TGFBR3: variants seen among roughly 807,000 people sequenced by gnomAD.
TGFBR3 encodes the protein transforming growth factor beta receptor type 3.
In TGFBR3, 46 loss-of-function variants were observed where a neutral mutation model predicts 87.9. That is an observed-to-expected ratio of 0.52 (90% CI 0.41 to 0.67). The LOEUF (loss-of-function observed/expected upper bound fraction) is 0.67. Ranked by LOEUF, TGFBR3 falls within the 30% of genes least tolerant of loss-of-function variation. The pLI is 0.00. For missense variants in TGFBR3, 866 were observed against 1,041.9 expected (o/e 0.83, Z 2.32); for synonymous variants, 381 against 391.6 (o/e 0.97, Z 0.32).
chr1:91,776,417 T>C (rs1674568145), intron 3 of TGFBR3, among the ~76,000 whole-genome samples: 1 of 152,230 alleles, frequency 6.6e-6, no homozygotes, highest in Non-Finnish European at 1.5e-5. Context: ...TCAGAGTGCA[T>C]GTCAACTCCA....
At chr1:91,802,060 G>C (rs763409381) in intron 2 of TGFBR3, among the ~76,000 whole-genome samples, 6 of 152,226 alleles carry the variant, frequency 3.9e-5, no homozygotes, top group Admixed American at 6.5e-5. Flanking sequence ...TCTCCTAAGA[G>C]AACAGACACA....
At chr1:91,839,280 A>T (rs145104051) in intron 2 of TGFBR3, among the ~76,000 whole-genome samples, 1 of 152,172 alleles carries the variant, frequency 6.6e-6, no homozygotes, top group Non-Finnish European at 1.5e-5. Flanking sequence ...CACCCAGCCA[A>T]ATCTTAAGTC....
intron 3 of TGFBR3, among the ~76,000 whole-genome samples, chr1:91,786,887 TG>T (rs1459539385): frequency 6.6e-6 from 1 of 152,202 alleles, no homozygotes; most frequent in Non-Finnish European, 1.5e-5. Context: ...AGAACTGGCC[TG>T]GGAGGGTTCT....
chr1:91,883,326 A>C (rs1406550716), intron 1 of TGFBR3, among the ~76,000 whole-genome samples: 1 of 152,150 alleles, frequency 6.6e-6, no homozygotes, highest in East Asian at 1.9e-4. Flanking sequence ...TAAGGAAACA[A>C]ATTGAAAAAA....
At chr1:91,787,435 T>C (rs888958147) in intron 3 of TGFBR3, among the ~76,000 whole-genome samples, 2 of 151,998 alleles carry the variant, frequency 1.3e-5, no homozygotes, top group Admixed American at 1.3e-4. Context: ...TAGCCCTGTA[T>C]CTAACATGGG....
chr1:91,811,007 T>C (rs1676012764), intron 2 of TGFBR3, among the ~76,000 whole-genome samples: 1 of 152,100 alleles, frequency 6.6e-6, no homozygotes, highest in African/African-American at 2.4e-5. Flanking sequence ...CACATAGATA[T>C]CATAAAAAGG....
intron 3 of TGFBR3, among the ~76,000 whole-genome samples, chr1:91,792,430 A>G (rs940246922): frequency 2.0e-5 from 3 of 152,172 alleles, no homozygotes; most frequent in Non-Finnish European, 4.4e-5. Flanking sequence ...TGCTCCTTTA[A>G]TGTCAAAACA....
At chr1:91,831,859 A>G (rs1676866169) in intron 2 of TGFBR3, among the ~76,000 whole-genome samples, 2 of 152,276 alleles carry the variant, frequency 1.3e-5, no homozygotes, top group East Asian at 3.8e-4. Context: ...CATTTTAAGC[A>G]GAGGGAAAAA....
chr1:91,800,955 G>C, intron 2 of TGFBR3: 1 of 201,396 alleles, frequency 5.0e-6, no homozygotes, highest in South Asian at 7.0e-5. Context: ...TTGGTGGCGT[G>C]TACCTGTAAT....
chr1:91,694,240 G>GC, intron 16 of TGFBR3, among the ~76,000 whole-genome samples: 1 of 152,186 alleles, frequency 6.6e-6, no homozygotes, highest in South Asian at 2.1e-4. Flanking sequence ...TGATCCTCCC[G>GC]CCCCTGCCTC....
chr1:91,823,601 G>C (rs982419290), intron 2 of TGFBR3, among the ~76,000 whole-genome samples: 1 of 152,184 alleles, frequency 6.6e-6, no homozygotes, highest in Non-Finnish European at 1.5e-5. Context: ...ACATTTTGCT[G>C]AGCAAATAGA....
intron 3 of TGFBR3, among the ~76,000 whole-genome samples, chr1:91,783,822 A>G (rs1674861604): frequency 6.6e-6 from 1 of 152,226 alleles, no homozygotes; most frequent in African/African-American, 2.4e-5. Flanking sequence ...TCAAGTTATA[A>G]GGTATTTAAT....
At chr1:91,701,193 C>A (rs1671607410) in intron 14 of TGFBR3, among the ~76,000 whole-genome samples, 1 of 152,046 alleles carries the variant, frequency 6.6e-6, no homozygotes, top group Non-Finnish European at 1.5e-5. Flanking sequence ...AGCCTTCTCA[C>A]AGAGCTAAAC....
chr1:91,865,809 G>A (rs1403607689), intron 1 of TGFBR3, among the ~76,000 whole-genome samples: 1 of 151,896 alleles, frequency 6.6e-6, no homozygotes, highest in East Asian at 1.9e-4. Flanking sequence ...CTACTCGGGA[G>A]GCTGAGACAG....
In TGFBR3 at chr1:91,764,603, G is replaced by A. The variant is rs193206625; in HGVS notation, c.247-5853C>T. Among the ~76,000 whole-genome samples, 68 of 152,204 alleles carry A rather than the reference G, an allele frequency of 4.5e-4. 1 individual carries two copies. The highest frequency in any genetic ancestry group is 4.4e-3 in the South Asian group (21 of 4,810). On this transcript the variant is annotated intron_variant, in intron 3 of 16. Coordinates refer to ENST00000212355, the MANE Select transcript of TGFBR3 (RefSeq NM_003243.5). The stretch of plus-strand genomic sequence containing the variant: ...TGCGGAGAAGAGAGGCAGGCAAAGC[G>A]GAGACCCTGATGTGTGGGTGGTTCG...
intron 2 of TGFBR3, among the ~76,000 whole-genome samples, chr1:91,855,880 C>T (rs1213454750): frequency 1.3e-5 from 2 of 151,692 alleles, no homozygotes; most frequent in Non-Finnish European, 2.9e-5. Context: ...GTTTTTAACC[C>T]CAATAAATCT....
At chr1:91,872,968 G>T (rs1438941329) in intron 1 of TGFBR3, among the ~76,000 whole-genome samples, 1 of 151,564 alleles carries the variant, frequency 6.6e-6, no homozygotes, top group Non-Finnish European at 1.5e-5. Context: ...TTTTTGACGG[G>T]GTGGTGGGAG....
chr1:91,832,900 C>T (rs936887569), intron 2 of TGFBR3, among the ~76,000 whole-genome samples: 2 of 151,526 alleles, frequency 1.3e-5, no homozygotes, highest in African/African-American at 4.9e-5. Flanking sequence ...TCCAGCTACT[C>T]AGGAGACTGA....
intron 2 of TGFBR3, among the ~76,000 whole-genome samples, chr1:91,859,569 T>C (rs1432982163): frequency 6.6e-6 from 1 of 151,902 alleles, no homozygotes; most frequent in Non-Finnish European, 1.5e-5. Context: ...GAATGGGCAG[T>C]TGAAATTCAT....
Sources: allele counts gnomAD v4.1 joint callset (sites outside exome capture counted in the v4.1 genomes callset), GRCh38; gene constraint gnomAD v4.1.1; transcripts MANE v1.5; gene names NCBI Gene and HGNC (gene_info 2026-07-23, HGNC 2026-07-21).